TRIP12: variants seen among roughly 807,000 people sequenced by gnomAD.
TRIP12 encodes the protein E3 ubiquitin-protein ligase TRIP12.
In TRIP12, 25 loss-of-function variants were observed where a neutral mutation model predicts 244.2. That is an observed-to-expected ratio of 0.10 (90% CI 0.07 to 0.14). TRIP12 has a LOEUF of 0.14. Among genes scored for constraint, TRIP12 ranks in the 10% least tolerant of loss-of-function variants. TRIP12 has a pLI of 1.00. For missense variants in TRIP12, 1,677 were observed against 2,486.4 expected (o/e 0.67, Z 6.92); for synonymous variants, 905 against 873.1 (o/e 1.04, Z -0.64).
At position 229,837,004 on chromosome 2, in the gene TRIP12, T is replaced by C. The variant is rs753317903; in HGVS notation, c.1134-20A>G. 6.6e-7 allele frequency: 1 copy of C among 1,516,840 alleles called. No homozygotes were observed. Among genetic ancestry groups the C allele is most frequent in the South Asian group, 1.3e-5 (1 of 77,818 alleles). 94.0% of individuals were successfully genotyped at this position (1,516,840 alleles called of 1,614,324 possible). On this transcript the variant is annotated intron_variant, in intron 5 of 41. Coordinates refer to ENST00000675903, the MANE Select transcript of TRIP12 (RefSeq NM_001348323.3). ...CGCCGACTACAACAGAAAAATGTCA[T>C]CATGGGCAGCATTACCAGTGAACCA... is the stretch of plus-strand genomic sequence containing the variant.
chr2:229,774,570 G>A (rs1574775196), intron 37 of TRIP12, among the ~76,000 whole-genome samples: 2 of 152,182 alleles, frequency 1.3e-5, no homozygotes, highest in South Asian at 2.1e-4. Context: ...TTAATTTTAA[G>A]AATGTGGACC....
chr2:229,776,888 G>A (rs1337097289), intron 37 of TRIP12, among the ~76,000 whole-genome samples: 1 of 152,134 alleles, frequency 6.6e-6, no homozygotes, highest in Non-Finnish European at 1.5e-5. Context: ...AATAGTTGTT[G>A]GCACTCATGG....
At chr2:229,769,695 AG>A (rs2033456715) in intron 39 of TRIP12, among the ~76,000 whole-genome samples, 2 of 152,064 alleles carry the variant, frequency 1.3e-5, no homozygotes, top group African/African-American at 4.8e-5. Context: ...CCTGGCTTTC[AG>A]AAACACAAAG....
At chr2:229,810,092 G>A (rs2154277829) in intron 15 of TRIP12, among the ~76,000 whole-genome samples, 1 of 152,326 alleles carries the variant, frequency 6.6e-6, no homozygotes, top group South Asian at 2.1e-4. Context: ...AGGTGTGATG[G>A]CTCATGCCTA....
chr2:229,816,661 G>C (rs2048574051), intron 9 of TRIP12, among the ~76,000 whole-genome samples: 1 of 152,170 alleles, frequency 6.6e-6, no homozygotes, highest in African/African-American at 2.4e-5. Flanking sequence ...TTAACAACCA[G>C]CACATTAAGT....
chr2:229,769,175 ACC>A, intron 40 of TRIP12, 54 bp downstream of exon 40: 1 of 1,491,566 alleles, frequency 6.7e-7, no homozygotes, highest in South Asian at 1.2e-5. Flanking sequence ...GTACACACAC[ACC>A]CCTCTCCACA....
Position 229,767,464 on chromosome 2 carries a change from T to A in TRIP12, c.*90A>T. On this transcript the variant is annotated 3_prime_UTR_variant, in exon 42 of 42. Transcript: ENST00000675903. ...TTTCCTACAACAAGAAGGCGTAACATGTTTCCTTGACTCAGGTGATAACAT... is the reference window on the plus strand; with the variant it reads ...TTTCCTACAACAAGAAGGCGTAACAAGTTTCCTTGACTCAGGTGATAACAT... 6.9e-7 allele frequency: 1 copy of A among 1,442,458 alleles called. No individual in the cohort carries two copies. Among genetic ancestry groups the A allele is most frequent in the Non-Finnish European group, 9.2e-7 (1 of 1,085,764 alleles). The allele number at this position is 1,442,458 out of a possible 1,614,324, so 89.4% of individuals were successfully genotyped here.
intron 37 of TRIP12, among the ~76,000 whole-genome samples, chr2:229,775,134 AC>A (rs908806329): frequency 1.1e-3 from 169 of 152,296 alleles, no homozygotes; most frequent in African/African-American, 3.6e-3. Flanking sequence ...TAAACTAGAA[AC>A]AGTTAGAATG....
intron 20 of TRIP12, among the ~76,000 whole-genome samples, chr2:229,802,708 TATA>T (rs2044701355): frequency 6.6e-6 from 1 of 152,208 alleles, no homozygotes; most frequent in Non-Finnish European, 1.5e-5. Flanking sequence ...AACCAGATTA[TATA>T]AAACTTAATA....
upstream of TRIP12, chr2:229,922,323 G>A (rs1026160154): frequency 1.3e-5 from 8 of 603,900 alleles, no homozygotes; most frequent in Admixed American, 2.4e-4. Context: ...GGGTCACCCG[G>A]GACCTGGAGC....
intron 2 of TRIP12, among the ~76,000 whole-genome samples, chr2:229,864,147 A>C (rs888400532): frequency 1.1e-4 from 16 of 151,960 alleles, no homozygotes; most frequent in African/African-American, 3.9e-4. Flanking sequence ...TGAAAAAAAA[A>C]CTCATGTCTC....
chr2:229,914,314 C>G (rs1286818246), intron 1 of TRIP12, among the ~76,000 whole-genome samples: 1 of 152,124 alleles, frequency 6.6e-6, no homozygotes, highest in African/African-American at 2.4e-5. Context: ...TGGGTGTGTT[C>G]AGAGAGGAAG....
In TRIP12 at chr2:229,810,863, A is replaced by G. The variant is rs199770426; in HGVS notation, c.2221+17T>C. 22 of 1,612,208 alleles carry G rather than the reference A, an allele frequency of 1.4e-5. No individual in the cohort carries two copies. The highest frequency in any genetic ancestry group is 1.9e-5 in the Non-Finnish European group (22 of 1,179,172). On this transcript the variant is annotated intron_variant, in intron 15 of 41. Transcript: ENST00000675903. ...CAACTTTTCCTGCTTAAAGTAGAAC[A>G]GTAAATTTGCACTTACTTTGTTTCA...
In TRIP12 at chr2:229,790,879, T is replaced by C. The variant is rs553504872; in HGVS notation, c.4543+245A>G. Among the ~76,000 whole-genome samples, 22 of 138,418 alleles carry C rather than the reference T, an allele frequency of 1.6e-4. No individual in the cohort carries two copies. In the South Asian group the frequency reaches 4.4e-3, roughly 27 times the overall value. 90.8% of individuals were successfully genotyped at this position (138,418 alleles called of 152,430 possible). A position where few individuals can be genotyped will look rare whatever the true frequency, so the allele number is the denominator to read the frequency against. On this transcript the variant is annotated intron_variant, in intron 30 of 41. Coordinates refer to ENST00000675903, the MANE Select transcript of TRIP12 (RefSeq NM_001348323.3). ...CAACCTTCATAAAAACCTGAACTCT[T>C]ATATGAACTGGGAATAAGTTTTTTT...
chr2:229,854,510 A>G (rs1353117814), intron 4 of TRIP12, among the ~76,000 whole-genome samples: 1 of 152,166 alleles, frequency 6.6e-6, no homozygotes, highest in Non-Finnish European at 1.5e-5. Context: ...TTTATTCCTC[A>G]AATAGCTATT....
chr2:229,881,158 GCAA>G (rs1332376180), intron 1 of TRIP12, among the ~76,000 whole-genome samples: 1 of 152,152 alleles, frequency 6.6e-6, no homozygotes, highest in African/African-American at 2.4e-5. Context: ...AGAGTTGTCA[GCAA>G]CAAGAAATTG....
chr2:229,906,298 T>G (rs773571756), intron 1 of TRIP12, among the ~76,000 whole-genome samples: 2 of 131,012 alleles, frequency 1.5e-5, no homozygotes, highest in African/African-American at 2.9e-5. Flanking sequence ...AGAATGAGAC[T>G]GTCTCAAAAA....
chr2:229,864,660 C>G (rs2061186556), intron 2 of TRIP12, among the ~76,000 whole-genome samples: 1 of 151,782 alleles, frequency 6.6e-6, no homozygotes, highest in African/African-American at 2.4e-5. Context: ...TACATTAGCA[C>G]TGTGGGAAAA....
rs147514010 is a variant in TRIP12, at chr2:229,862,660, T to A, written c.99-2129A>T. 1.0e-3 allele frequency among the ~76,000 whole-genome samples: 153 copies of A among 152,336 alleles called. 1 individual carries two copies. The highest frequency in any genetic ancestry group is 3.6e-3 in the African/African-American group (150 of 41,586). On this transcript the variant is annotated intron_variant, in intron 2 of 41. Coordinates refer to ENST00000675903, the MANE Select transcript of TRIP12 (RefSeq NM_001348323.3). ...GCCCAAAACAATTAAAAATTATGAT[T>A]CATTCCATTTGTCATCAGAAACCGG...
Sources: allele counts gnomAD v4.1 joint callset (sites outside exome capture counted in the v4.1 genomes callset), GRCh38; gene constraint gnomAD v4.1.1; transcripts MANE v1.5; gene names NCBI Gene and HGNC (gene_info 2026-07-23, HGNC 2026-07-21).